Variants in RYR2 observed in about 807,000 individuals in gnomAD.
RYR2 encodes the protein ryanodine receptor 2, also known as cardiac muscle ryanodine receptor-calcium release channel.
In RYR2, 227 loss-of-function variants were observed where a neutral mutation model predicts 601.1. That is an observed-to-expected ratio of 0.38 (90% confidence interval 0.34 to 0.42). The LOEUF is 0.42. RYR2 is among the 10% of genes least tolerant of loss of function. The probability of loss-of-function intolerance (pLI) is 1.00; values close to 1 mark genes in which losing one functional copy is unlikely to be tolerated. For missense variants in RYR2, 4,646 were observed against 6,156.5 expected (o/e 0.75, Z 8.21); for synonymous variants, 2,223 against 2,175.1 (o/e 1.02, Z -0.61).
intron 1 of RYR2, among the ~76,000 whole-genome samples, chr1:237,073,072 G>A (rs1445692928): frequency 2.0e-5 from 3 of 152,114 alleles, no homozygotes; most frequent in East Asian, 3.8e-4. Flanking sequence ...GACACTTAAG[G>A]ACCTAGTGTA....
intron 25 of RYR2, among the ~76,000 whole-genome samples, chr1:237,533,182 C>T (rs1328716604): frequency 6.6e-6 from 1 of 152,174 alleles, no homozygotes; most frequent in Non-Finnish European, 1.5e-5. Flanking sequence ...GAAAACTATA[C>T]TTGGATCTGC....
At position 237,570,217 on chromosome 1, in the gene RYR2, C is replaced by CAAA. The variant is rs371744146; in HGVS notation, c.3598+911_3598+913dup. 5.2e-3 allele frequency among the ~76,000 whole-genome samples: 678 copies of CAAA among 130,166 alleles called. 7 individuals carry two copies. The highest frequency in any genetic ancestry group is 0.013 in the South Asian group (51 of 4,026). The allele number at this position is 130,166 out of a possible 152,430, so 85.4% of individuals were successfully genotyped here. ...TGGGCAACAGTGCAAGACTGCATCT[C>CAAA]AAAAAAAAAAAAAAAGATGGAAGGT... On this transcript the variant is annotated intron_variant, in intron 29 of 104. Transcript: ENST00000366574.
At chr1:237,250,421 C>A (rs1687329513) in intron 1 of RYR2, among the ~76,000 whole-genome samples, 1 of 152,190 alleles carries the variant, frequency 6.6e-6, no homozygotes, top group African/African-American at 2.4e-5. Context: ...CTTCCATTTT[C>A]TATGGTAATA....
chr1:237,663,489 A>G (rs2148858096), intron 56 of RYR2, among the ~76,000 whole-genome samples: 1 of 152,302 alleles, frequency 6.6e-6, no homozygotes, highest in Non-Finnish European at 1.5e-5. Context: ...GCCCATGGTT[A>G]ACGGCAGTAT....
At chr1:237,159,623 G>A (rs1056786931) in intron 1 of RYR2, among the ~76,000 whole-genome samples, 29 of 152,244 alleles carry the variant, frequency 1.9e-4, no homozygotes, top group African/African-American at 6.0e-4. Flanking sequence ...TTGAGCTCAG[G>A]AATTCAAGAC....
chr1:237,382,037 C>G (rs1187713717), intron 8 of RYR2, among the ~76,000 whole-genome samples: 1 of 152,130 alleles, frequency 6.6e-6, no homozygotes, highest in Non-Finnish European at 1.5e-5. Flanking sequence ...GAATTTATTT[C>G]AAACTAAACA....
chr1:237,387,209 A>G, intron 8 of RYR2, 72 bp from the exon 9 acceptor site: 1 of 1,343,680 alleles, frequency 7.4e-7, no homozygotes, highest in Non-Finnish European at 1.1e-6. Flanking sequence ...TTAAGTTTGC[A>G]TTCCTAGAAG....
intron 1 of RYR2, among the ~76,000 whole-genome samples, chr1:237,139,065 A>G (rs1322676702): frequency 6.6e-6 from 1 of 152,202 alleles, no homozygotes; most frequent in Non-Finnish European, 1.5e-5. Flanking sequence ...ATATATCCAC[A>G]CAAAAACTTG....
At chr1:237,628,182 G>T in intron 41 of RYR2, 102 bp downstream of exon 41, 9 of 1,271,406 alleles carry the variant, frequency 7.1e-6, no homozygotes, top group East Asian at 2.5e-5. Flanking sequence ...TATATTGTCT[G>T]GATTATACGA....
chr1:237,561,554 GT>G (rs1671459600), intron 27 of RYR2, among the ~76,000 whole-genome samples: 1 of 152,174 alleles, frequency 6.6e-6, no homozygotes. Context: ...TACATCTGAT[GT>G]GATTAAGTGT....
At chr1:237,692,818 T>C (rs1055975011) in intron 63 of RYR2, among the ~76,000 whole-genome samples, 1 of 152,214 alleles carries the variant, frequency 6.6e-6, no homozygotes, top group Non-Finnish European at 1.5e-5. Context: ...GCTACTATTA[T>C]AATAGTCTCT....
At chr1:237,393,007 T>C (rs1392885043) in intron 10 of RYR2, among the ~76,000 whole-genome samples, 1 of 152,168 alleles carries the variant, frequency 6.6e-6, no homozygotes, top group Non-Finnish European at 1.5e-5. Context: ...ATGTATACAC[T>C]TACCCACATA....
At chr1:237,415,925 C>T (rs1242055054) in intron 10 of RYR2, among the ~76,000 whole-genome samples, 1 of 152,078 alleles carries the variant, frequency 6.6e-6, no homozygotes, top group Non-Finnish European at 1.5e-5. Flanking sequence ...CTATGTTGAT[C>T]ATTGTTGATG....
chr1:237,685,210 A>T (rs1686275358), intron 62 of RYR2, among the ~76,000 whole-genome samples: 1 of 152,174 alleles, frequency 6.6e-6, no homozygotes, highest in East Asian at 1.9e-4. Context: ...TTTAGAGAAA[A>T]TATAGGCTAA....
At chr1:237,804,746 C>T (rs115503658) in intron 98 of RYR2, among the ~76,000 whole-genome samples, 4,519 of 152,150 alleles carry the variant, frequency 0.03, 205 homozygotes, top group African/African-American at 0.1. Context: ...CTGTGGCTCA[C>T]GTAAAGTGAG....
At chr1:237,433,667 C>G (rs1225895286) in intron 12 of RYR2, among the ~76,000 whole-genome samples, 2 of 152,102 alleles carry the variant, frequency 1.3e-5, no homozygotes, top group Admixed American at 6.5e-5. Context: ...TACTTTTTCC[C>G]CACCTCAGTG....
intron 10 of RYR2, among the ~76,000 whole-genome samples, chr1:237,414,672 T>C (rs1014308819): frequency 5.9e-5 from 9 of 152,228 alleles, no homozygotes; most frequent in African/African-American, 2.2e-4. Flanking sequence ...AATTTCTTTA[T>C]GTTGGGAACA....
rs879374988 is a variant in RYR2 at position 237,565,151 on chromosome 1, TTCTTTCTCTTTC to T, written c.3215-1414_3215-1403del. On this transcript the variant is annotated intron_variant, in intron 27 of 104. Coordinates refer to ENST00000366574, the MANE Select transcript of RYR2 (RefSeq NM_001035.3). The stretch of plus-strand genomic sequence containing the variant: ...TCTTTCTTTCTTTCTTTTTCTTTCT[TTCTTTCTCTTTC>T]TTTCTTTCTTTCTTTCTTTCTTTCT... 4.5e-4 allele frequency among the ~76,000 whole-genome samples: 47 copies of T among 105,162 alleles called. 2 individuals are homozygous for T. The highest frequency in any genetic ancestry group is 1.0e-3 in the South Asian group (3 of 2,868). 69.0% of individuals were successfully genotyped at this position (105,162 alleles called of 152,430 possible).
At chr1:237,705,663 G>T (rs958407045) in intron 67 of RYR2, among the ~76,000 whole-genome samples, 2 of 152,102 alleles carry the variant, frequency 1.3e-5, no homozygotes, top group Non-Finnish European at 2.9e-5. Flanking sequence ...AGGGAGTATC[G>T]CAGCCTAGAC....
Sources: allele counts gnomAD v4.1 joint callset (sites outside exome capture counted in the v4.1 genomes callset), GRCh38; gene constraint gnomAD v4.1.1; transcripts MANE v1.5; gene names NCBI Gene and HGNC (gene_info 2026-07-23, HGNC 2026-07-21).